Variants in NEGR1 observed in about 807,000 individuals in gnomAD.
NEGR1 encodes IgLON family member 4.
In NEGR1, 10 loss-of-function variants were observed where a neutral mutation model predicts 40.9. The observed-to-expected ratio is 0.24, with a 90% CI of 0.15 to 0.42. The LOEUF is 0.42. Ranked by LOEUF, NEGR1 falls within the 10% of genes least tolerant of loss-of-function variation. The probability of loss-of-function intolerance (pLI) is 1.00; values close to 1 mark genes in which losing one functional copy is unlikely to be tolerated. For synonymous variants in NEGR1, 185 were observed against 166.8 expected (o/e 1.11, Z -0.84); for missense variants, 352 against 438.9 (o/e 0.80, Z 1.77).
At chr1:71,883,530 T>C (rs1660638421) in intron 2 of NEGR1, among the ~76,000 whole-genome samples, 1 of 152,140 alleles carries the variant, frequency 6.6e-6, no homozygotes, top group African/African-American at 2.4e-5. Flanking sequence ...AATTACAGAT[T>C]ATTACACTAA....
At chr1:72,102,913 TTG>T (rs2100248864) in intron 1 of NEGR1, among the ~76,000 whole-genome samples, 1 of 152,192 alleles carries the variant, frequency 6.6e-6, no homozygotes, top group Admixed American at 6.6e-5. Context: ...TTTAAAAGTT[TTG>T]CTAGGTTAGC....
chr1:71,437,538 A>G (rs1646517811), intron 6 of NEGR1, among the ~76,000 whole-genome samples: 1 of 152,192 alleles, frequency 6.6e-6, no homozygotes, highest in African/African-American at 2.4e-5. Context: ...AAAAGCTAAC[A>G]TATCAGCAAG....
intron 4 of NEGR1, among the ~76,000 whole-genome samples, chr1:71,635,273 C>A (rs1443274399): frequency 6.6e-6 from 1 of 152,078 alleles, no homozygotes; most frequent in African/African-American, 2.4e-5. Flanking sequence ...CCGACTTTAA[C>A]CACCGCCCGC....
At chr1:71,754,452 G>T (rs964021023) in intron 3 of NEGR1, among the ~76,000 whole-genome samples, 5 of 152,094 alleles carry the variant, frequency 3.3e-5, no homozygotes, top group Non-Finnish European at 7.4e-5. Context: ...CCCCTCTTAA[G>T]TTGGGGAGGC....
At chr1:71,803,179 G>T (rs1212755448) in intron 2 of NEGR1, among the ~76,000 whole-genome samples, 1 of 152,004 alleles carries the variant, frequency 6.6e-6, no homozygotes, top group African/African-American at 2.4e-5. Flanking sequence ...AATCTAATAT[G>T]ACTGATGTCC....
chr1:72,154,124 T>C (rs772858614), intron 1 of NEGR1, among the ~76,000 whole-genome samples: 15 of 151,700 alleles, frequency 9.9e-5, no homozygotes, highest in Non-Finnish European at 1.9e-4. Flanking sequence ...GAGACAATTG[T>C]TTTGTGAATT....
chr1:71,943,193 CTA>C (rs888602034), intron 1 of NEGR1, among the ~76,000 whole-genome samples: 3 of 148,194 alleles, frequency 2.0e-5, no homozygotes, highest in African/African-American at 4.9e-5. Flanking sequence ...TATAAACAAA[CTA>C]TACATATATG....
At chr1:72,168,032 A>T (rs1362378946) in intron 1 of NEGR1, among the ~76,000 whole-genome samples, 1 of 148,998 alleles carries the variant, frequency 6.7e-6, no homozygotes, top group South Asian at 2.1e-4. Flanking sequence ...TGAGACAAGC[A>T]TCTCACTCTG....
At chr1:71,500,763 T>C (rs745782806) in intron 6 of NEGR1, among the ~76,000 whole-genome samples, 1 of 152,078 alleles carries the variant, frequency 6.6e-6, no homozygotes, top group Non-Finnish European at 1.5e-5. Flanking sequence ...TGTTGTAGTA[T>C]ATGCATATAA....
chr1:72,192,103 G>C (rs1439196471), intron 1 of NEGR1, among the ~76,000 whole-genome samples: 4 of 151,876 alleles, frequency 2.6e-5, no homozygotes, highest in Non-Finnish European at 5.9e-5. Flanking sequence ...ACTCAAGCAT[G>C]TTGGTTTAAA....
intron 1 of NEGR1, among the ~76,000 whole-genome samples, chr1:71,976,531 T>C (rs188850739): frequency 7.7e-4 from 118 of 152,350 alleles, no homozygotes; most frequent in Middle Eastern, 3.4e-3. Context: ...TGAGGGAGAC[T>C]GGCTCCCGGC....
intron 6 of NEGR1, among the ~76,000 whole-genome samples, chr1:71,559,851 C>A (rs1461257818): frequency 6.8e-6 from 1 of 147,758 alleles, no homozygotes; most frequent in Non-Finnish European, 1.5e-5. Flanking sequence ...AAAAAAAAAT[C>A]TTCAGGAATT....
intron 2 of NEGR1, among the ~76,000 whole-genome samples, chr1:71,880,700 A>C (rs998140618): frequency 6.6e-6 from 1 of 151,982 alleles, no homozygotes; most frequent in East Asian, 1.9e-4. Context: ...TACTGCCTTC[A>C]ATTCTGACTG....
chr1:72,156,565 C>A (rs1220804415), intron 1 of NEGR1, among the ~76,000 whole-genome samples: 1 of 152,120 alleles, frequency 6.6e-6, no homozygotes, highest in Admixed American at 6.5e-5. Flanking sequence ...CAAAATATTT[C>A]TTCAATAAAT....
intron 6 of NEGR1, among the ~76,000 whole-genome samples, chr1:71,481,445 G>A (rs1188148708): frequency 1.3e-5 from 2 of 151,834 alleles, no homozygotes; most frequent in African/African-American, 2.4e-5. Flanking sequence ...CATATATTGA[G>A]TATATATACG....
rs550353727 is a variant in NEGR1, at chr1:72,038,096, C to T, written c.177-102785G>A. The stretch of plus-strand genomic sequence containing the variant: ...ATAATTTGGAAGTGATGTAGCAAGG[C>T]TTAAAAGGTTTAAAGCCTAAATCTA... On this transcript the variant is annotated intron_variant, in intron 1 of 6. Transcript: ENST00000357731. Among the ~76,000 whole-genome samples, 5 of 152,196 alleles carry T rather than the reference C, an allele frequency of 3.3e-5. No individual in the cohort carries two copies. In the East Asian group the frequency reaches 7.7e-4, roughly 23 times the overall value.
chr1:72,252,739 T>C (rs1008249033), intron 1 of NEGR1, among the ~76,000 whole-genome samples: 3 of 152,122 alleles, frequency 2.0e-5, no homozygotes, highest in East Asian at 3.9e-4. Context: ...GCATTCCAAA[T>C]TCATTAGGAC....
chr1:71,402,741 G>T lies in NEGR1; in HGVS notation c.*4705C>A, dbSNP rs1646254605. ...TTCTTACTTACATTTCTGACTGTCAGGTTAAAGTGAATAATTATTTTCTGT... is the reference window on the plus strand; with the variant it reads ...TTCTTACTTACATTTCTGACTGTCATGTTAAAGTGAATAATTATTTTCTGT... On this transcript the variant is annotated 3_prime_UTR_variant, in exon 7 of 7. Coordinates refer to ENST00000357731, the MANE Select transcript of NEGR1 (RefSeq NM_173808.3). 6.6e-6 allele frequency: 1 copy of T among 152,034 alleles called. No homozygotes were observed. The highest frequency in any genetic ancestry group is 6.6e-5 in the Admixed American group (1 of 15,260). 9.4% of individuals were successfully genotyped at this position (152,034 alleles called of 1,614,324 possible).
At chr1:72,185,476 A>T (rs1341555488) in intron 1 of NEGR1, among the ~76,000 whole-genome samples, 1 of 151,828 alleles carries the variant, frequency 6.6e-6, no homozygotes, top group African/African-American at 2.4e-5. Context: ...GAGTCTGAAA[A>T]TTGAGAAACA....
Sources: allele counts gnomAD v4.1 joint callset (sites outside exome capture counted in the v4.1 genomes callset), GRCh38; gene constraint gnomAD v4.1.1; transcripts MANE v1.5; gene names NCBI Gene and HGNC (gene_info 2026-07-23, HGNC 2026-07-21).